Variants in MRPS27 observed in about 807,000 individuals in gnomAD.
MRPS27 encodes the protein mitochondrial ribosomal protein S27, also known as small ribosomal subunit protein mS27.
MRPS27 carries 43 observed loss-of-function variants against 48.9 expected under a neutral mutation model. The observed-to-expected ratio is 0.88, with a 90% CI of 0.69 to 1.13. The LOEUF is 1.13. MRPS27 is among the 50% of genes most tolerant of loss of function. MRPS27 has a pLI of 0.00. For missense variants in MRPS27, 467 were observed against 476.3 expected, an observed-to-expected ratio of 0.98 and a Z score of 0.18; for synonymous variants, 188 against 171.9, an observed-to-expected ratio of 1.09 and a Z score of -0.73.
rs1189404506 is a variant in MRPS27 at position 72,220,917 on chromosome 5, A to T, written c.1237T>A (p.Ser413Thr). The T allele has an allele frequency of 6.2e-7, 1 of 1,614,110 alleles. No homozygotes were observed. The change falls in exon 11 of 11, where the codon TCT (serine) becomes ACT (threonine). Residue 413 changes from serine to threonine, a missense_variant. Ser to Thr is a moderately conservative substitution (Grantham distance 58, BLOSUM62 1). Transcript: ENST00000261413. ...EYQAQKAAKA[S>T]A ...GGCCCTGGGGGACCCTATTAGGCAG[A>T]TGCCTTTGCTGCTTTCTGAGCCTGG...
chr5:72,315,635 A>G (rs1481077573), intron 1 of MRPS27, among the ~76,000 whole-genome samples: 2 of 152,196 alleles, frequency 1.3e-5, no homozygotes. Flanking sequence ...ACAGATGCTT[A>G]ACATAATTTG....
At chr5:72,273,708 T>C (rs991658554) in intron 4 of MRPS27, among the ~76,000 whole-genome samples, 3 of 152,206 alleles carry the variant, frequency 2.0e-5, no homozygotes, top group Non-Finnish European at 1.5e-5. Flanking sequence ...TTACCATGAA[T>C]AGAGCTTGTA....
intron 4 of MRPS27, among the ~76,000 whole-genome samples, chr5:72,265,190 T>C (rs1414809383): frequency 6.6e-6 from 1 of 152,352 alleles, no homozygotes; most frequent in South Asian, 2.1e-4. Context: ...GCTGATAAGC[T>C]CGCCATTTGA....
intron 8 of MRPS27, 162 bp from the exon 9 acceptor site, chr5:72,226,361 T>G (rs1222652302): frequency 4.2e-6 from 3 of 718,836 alleles, no homozygotes; most frequent in Non-Finnish European, 6.7e-6. Context: ...CGGTGACACT[T>G]CAGATGGATA....
At chr5:72,282,377 C>T (rs901266997) in intron 4 of MRPS27, among the ~76,000 whole-genome samples, 4 of 152,080 alleles carry the variant, frequency 2.6e-5, no homozygotes, top group South Asian at 2.1e-4. Context: ...AATCAAACTG[C>T]GTTACACTTA....
chr5:72,308,335 C>G (rs1428841008), intron 2 of MRPS27, among the ~76,000 whole-genome samples: 5 of 152,270 alleles, frequency 3.3e-5, no homozygotes, highest in Non-Finnish European at 7.3e-5. Flanking sequence ...GAAGCCCACA[C>G]CCACACGCCG....
At chr5:72,279,224 G>A (rs1404878535) in intron 4 of MRPS27, among the ~76,000 whole-genome samples, 2 of 152,156 alleles carry the variant, frequency 1.3e-5, no homozygotes, top group South Asian at 4.1e-4. Flanking sequence ...TGATTATTGA[G>A]AGTGAGCATC....
At chr5:72,299,408 T>A (rs760457735) in intron 2 of MRPS27, among the ~76,000 whole-genome samples, 2 of 152,098 alleles carry the variant, frequency 1.3e-5, no homozygotes, top group African/African-American at 4.8e-5. Flanking sequence ...TATTTCCTGA[T>A]AGGTTCCCCC....
At chr5:72,295,417 C>A in intron 4 of MRPS27, 114 bp downstream of exon 4, 3 of 748,792 alleles carry the variant, frequency 4.0e-6, no homozygotes, top group Non-Finnish European at 4.5e-6. Flanking sequence ...ATGAAAAGAT[C>A]TTTAAAATAT....
intron 4 of MRPS27, among the ~76,000 whole-genome samples, chr5:72,289,649 C>T (rs1749767734): frequency 6.6e-6 from 1 of 152,012 alleles, no homozygotes; most frequent in African/African-American, 2.4e-5. Context: ...TATTAAACCC[C>T]TGTGCTCAAG....
At chr5:72,235,675 C>T (rs73761741) in intron 5 of MRPS27, among the ~76,000 whole-genome samples, 1 of 152,066 alleles carries the variant, frequency 6.6e-6, no homozygotes, top group Admixed American at 6.6e-5. Flanking sequence ...TATTTCTCCC[C>T]AAAATAATTG....
intron 3 of MRPS27, 145 bp from the exon 4 acceptor site, chr5:72,295,734 G>A (rs779042444): frequency 1.1e-4 from 68 of 620,806 alleles, no homozygotes; most frequent in Non-Finnish European, 1.5e-4. Flanking sequence ...CAATGTTCAC[G>A]TGGTATGGCT....
Position 72,220,696 on chromosome 5 carries a change from C to T in MRPS27, c.*213G>A. The T allele has an allele frequency of 1.6e-6, 1 of 643,088 alleles. No homozygotes were observed. Among genetic ancestry groups the T allele is most frequent in the Non-Finnish European group, 2.6e-6 (1 of 382,218 alleles). 39.8% of individuals were successfully genotyped at this position (643,088 alleles called of 1,614,324 possible). On this transcript the variant is annotated 3_prime_UTR_variant, in exon 11 of 11. Coordinates refer to ENST00000261413, the MANE Select transcript of MRPS27 (RefSeq NM_015084.3). Reference sequence around the variant, plus strand: ...CCTCCTTAAGGTATTCAGCTGGTGACTTCAGTCTGACCACTAGCCACCTGC... The same window carrying T: ...CCTCCTTAAGGTATTCAGCTGGTGATTTCAGTCTGACCACTAGCCACCTGC...
At chr5:72,279,112 G>C (rs2112030358) in intron 4 of MRPS27, among the ~76,000 whole-genome samples, 1 of 152,306 alleles carries the variant, frequency 6.6e-6, no homozygotes, top group Middle Eastern at 3.4e-3. Flanking sequence ...CACTAGTAGT[G>C]AATCAGACTT....
chr5:72,245,160 T>C (rs1178801632), intron 4 of MRPS27, among the ~76,000 whole-genome samples: 1 of 152,142 alleles, frequency 6.6e-6, no homozygotes, highest in African/African-American at 2.4e-5. Flanking sequence ...TGGTAAGACT[T>C]CTCCAGCCTC....
At chr5:72,237,075 T>C (rs1561333240) in intron 5 of MRPS27, among the ~76,000 whole-genome samples, 1 of 151,976 alleles carries the variant, frequency 6.6e-6, no homozygotes, top group Non-Finnish European at 1.5e-5. Context: ...CTCGAACTCC[T>C]GGGCTCATGT....
intron 4 of MRPS27, among the ~76,000 whole-genome samples, chr5:72,276,151 C>A (rs1348308172): frequency 6.6e-6 from 1 of 152,118 alleles, no homozygotes; most frequent in African/African-American, 2.4e-5. Context: ...ATCACGCTAC[C>A]CAACTTCAAA....
intron 4 of MRPS27, among the ~76,000 whole-genome samples, chr5:72,262,600 T>C (rs1468860508): frequency 6.6e-6 from 1 of 151,934 alleles, no homozygotes; most frequent in African/African-American, 2.4e-5. Context: ...ATCTACACTA[T>C]AATCAATAGT....
intron 4 of MRPS27, among the ~76,000 whole-genome samples, chr5:72,279,707 T>G (rs1009755197): frequency 3.4e-4 from 51 of 152,046 alleles, no homozygotes; most frequent in Admixed American, 3.3e-3. Context: ...CAAAAACAAT[T>G]ATCACTTAGT....
Sources: gnomAD v4.1 joint callset for allele counts (sites outside exome capture counted in the v4.1 genomes callset) on GRCh38, gnomAD v4.1.1 for gene constraint, MANE v1.5 for transcripts, NCBI Gene and HGNC (gene_info 2026-07-23, HGNC 2026-07-21) for gene names.